The following MIER3 variants were observed in gnomAD, a reference collection of about 807,000 sequenced individuals.
MIER3 encodes the protein mesoderm induction early response protein 3.
In MIER3, 9 loss-of-function variants were observed where a neutral mutation model predicts 63.2. That is an observed-to-expected ratio of 0.14 (90% confidence interval 0.09 to 0.25). MIER3 has a LOEUF of 0.25. Ranked by LOEUF, MIER3 falls within the 10% of genes least tolerant of loss-of-function variation. The probability of loss-of-function intolerance (pLI) is 1.00; values close to 1 mark genes in which losing one functional copy is unlikely to be tolerated. For synonymous variants in MIER3, 205 were observed against 224.9 expected (o/e 0.91, Z 0.79); for missense variants, 512 against 666.2 (o/e 0.77, Z 2.55).
In MIER3 at chr5:56,924,695, C is replaced by T. The variant is rs542898419; in HGVS notation, c.925-653G>A. 2.8e-4 allele frequency among the ~76,000 whole-genome samples: 43 copies of T among 152,288 alleles called. No individual in the cohort carries two copies. In the Middle Eastern group the frequency reaches 0.014, roughly 48 times the overall value. Reference sequence around the variant, plus strand: ...AACAACAATAAAATTTGAGCCTCACCACCTTGGCTCCACACCCAAACCAGG... The same window carrying T: ...AACAACAATAAAATTTGAGCCTCACTACCTTGGCTCCACACCCAAACCAGG... On this transcript the variant is annotated intron_variant, in intron 10 of 12. Coordinates refer to ENST00000381199, the MANE Select transcript of MIER3 (RefSeq NM_001297599.2).
chr5:56,941,133 T>A (rs1750630372), intron 3 of MIER3: 1 of 985,448 alleles, frequency 1.0e-6, no homozygotes, highest in African/African-American at 1.7e-5. Flanking sequence ...AATTCAGTCT[T>A]AGTGGGAGGA....
At position 56,947,113 on chromosome 5, in the gene MIER3, C is replaced by T. The variant is rs771828145; in HGVS notation, c.35-42G>A. 1.9e-6 allele frequency: 3 copies of T among 1,557,244 alleles called. No individual in the cohort carries two copies. The African/African-American group carries it at 4.2e-5, about 22-fold the overall frequency. On this transcript the variant is annotated intron_variant, in intron 2 of 12. Transcript: ENST00000381199. Reference sequence around the variant, plus strand: ...TGAATCACTTTACACATTTACAAGGCTATTAACAAAAGAAAATAAAAATTT... The same window carrying T: ...TGAATCACTTTACACATTTACAAGGTTATTAACAAAAGAAAATAAAAATTT...
At chr5:56,929,239 G>A (rs1024017659) in intron 9 of MIER3, 1 of 156,788 alleles carries the variant, frequency 6.4e-6, no homozygotes, top group Admixed American at 6.5e-5. Flanking sequence ...CTCCTTTATT[G>A]GGGGAAAGAA....
At chr5:56,924,105 C>G (rs1208750028) in intron 10 of MIER3, 63 bp from the exon 11 acceptor site, 24 of 1,539,966 alleles carry the variant, frequency 1.6e-5, no homozygotes, top group Non-Finnish European at 1.9e-5. Flanking sequence ...AGCAACTTTT[C>G]TTTTCCACAA....
intron 4 of MIER3, 36 bp from the exon 5 acceptor site, chr5:56,937,734 T>C (rs749474990): frequency 2.6e-6 from 4 of 1,531,432 alleles, no homozygotes; most frequent in Non-Finnish European, 2.6e-6. Context: ...CAGTTAGAAA[T>C]GATTACATCT....
At position 56,938,666 on chromosome 5, in the gene MIER3, G is replaced by C. The variant is rs1161963828; in HGVS notation, c.315+217C>G. The C allele has an allele frequency of 5.5e-6, 3 of 546,170 alleles. No individual in the cohort carries two copies. In the African/African-American group the frequency reaches 5.7e-5, roughly 10 times the overall value. 33.8% of individuals were successfully genotyped at this position (546,170 alleles called of 1,614,324 possible). A position where few individuals can be genotyped will look rare whatever the true frequency, so the allele number is the denominator to read the frequency against. ...CAGGAAAGATGAAAACATTATGGGA[G>C]AATATTCAGGCATGCAAAGTACCAT... On this transcript the variant is annotated intron_variant, in intron 4 of 12. Coordinates refer to ENST00000381199, the MANE Select transcript of MIER3 (RefSeq NM_001297599.2).
chr5:56,928,618 T>G (rs1399609793), intron 10 of MIER3, 149 bp downstream of exon 10: 2 of 531,016 alleles, frequency 3.8e-6, no homozygotes, highest in African/African-American at 3.9e-5. Context: ...GTGGCATCTC[T>G]GAGCAAATTA....
intron 2 of MIER3, among the ~76,000 whole-genome samples, chr5:56,948,382 A>T (rs983175862): frequency 3.3e-5 from 5 of 152,180 alleles, no homozygotes; most frequent in Non-Finnish European, 2.9e-5. Context: ...AAAGAAATAT[A>T]GGCCGGGGTG....
intron 10 of MIER3, among the ~76,000 whole-genome samples, chr5:56,926,885 T>TA (rs1335032544): frequency 5.3e-5 from 5 of 93,968 alleles, no homozygotes; most frequent in South Asian, 2.8e-4. Context: ...TATTCAGTGA[T>TA]AAAAAAAAGA....
chr5:56,948,704 A>G (rs59455046), intron 2 of MIER3, among the ~76,000 whole-genome samples: 15 of 152,300 alleles, frequency 9.8e-5, no homozygotes, highest in African/African-American at 3.6e-4. Context: ...AAATAAGAAT[A>G]TTTATTAATT....
chr5:56,925,334 T>TA, intron 10 of MIER3: 1 of 454,888 alleles, frequency 2.2e-6, no homozygotes, highest in South Asian at 1.6e-5. Flanking sequence ...TGTTTACAGG[T>TA]GACATGACTG....
Position 56,932,938 on chromosome 5 carries a change from G to A in MIER3, c.747+309C>T, listed in dbSNP as rs542672129. On this transcript the variant is annotated intron_variant, in intron 8 of 12. Coordinates refer to ENST00000381199, the MANE Select transcript of MIER3 (RefSeq NM_001297599.2). Reference sequence around the variant, plus strand: ...ATAGGATAGACTATACAGACATCAAGAATGAGGTATTAAATAATTCTCAAT... The same window carrying A: ...ATAGGATAGACTATACAGACATCAAAAATGAGGTATTAAATAATTCTCAAT... 5.2e-3 allele frequency among the ~76,000 whole-genome samples: 786 copies of A among 152,096 alleles called. 4 individuals carry two copies. The highest frequency in any genetic ancestry group is 7.0e-3 in the Non-Finnish European group (476 of 67,972).
rs1394670288 is a variant in MIER3 at position 56,919,737 on chromosome 5, T to A, written c.*3391A>T. 6.6e-6 allele frequency: 1 copy of A among 152,654 alleles called. No homozygotes were observed. The highest frequency in any genetic ancestry group is 6.5e-5 in the Admixed American group (1 of 15,284). 9.5% of individuals were successfully genotyped at this position (152,654 alleles called of 1,614,324 possible). ...TGCAATAGCAACTTCCTCTTGAACA[T>A]CTGATACTGAAACTTGTTCTGATTG... is the stretch of plus-strand genomic sequence containing the variant. On this transcript the variant is annotated 3_prime_UTR_variant, in exon 13 of 13. Transcript: ENST00000381199.
At chr5:56,929,015 T>A (rs948378669) in intron 9 of MIER3, 154 bp from the exon 10 acceptor site, 168 of 274,696 alleles carry the variant, frequency 6.1e-4, no homozygotes, top group South Asian at 3.4e-3. Context: ...ACTCTCTCTC[T>A]CTCTCTCTCT....
At chr5:56,950,703 A>G (rs775229055) in intron 1 of MIER3, 51 bp from the exon 2 acceptor site, 1 of 1,606,872 alleles carries the variant, frequency 6.2e-7, no homozygotes. Flanking sequence ...CCAGGGAAAG[A>G]GGCAGCGCCG....
intron 10 of MIER3, 61 bp downstream of exon 10, chr5:56,928,706 A>T: frequency 8.4e-7 from 1 of 1,193,620 alleles, no homozygotes; most frequent in Non-Finnish European, 1.2e-6. Context: ...AGTGACTTAT[A>T]AATTAGTTGC....
chr5:56,939,700 T>C (rs1173725622), intron 3 of MIER3, among the ~76,000 whole-genome samples: 2 of 152,220 alleles, frequency 1.3e-5, no homozygotes, highest in Non-Finnish European at 2.9e-5. Context: ...GCTACAGTGC[T>C]GCCTATGTTA....
chr5:56,923,219 A>G lies in MIER3; in HGVS notation c.1562T>C (p.Val521Ala). The change falls in exon 13 of 13, where the codon GTG becomes GCG. Residue 521 changes from valine to alanine, a missense_variant. This residue lies in a region of MIER3 where 218 missense variants were observed against 251.2 expected (regional missense o/e 0.87). Transcript: ENST00000381199. ...GGCAGAGAGACTGCCAAAGTCAGCC[A>G]CAGAAACAGCCATTTTGGCACTGGT... is the stretch of plus-strand genomic sequence containing the variant. ...HITSAKMAVS[V>A]ADFGSLSANE... The G allele has an allele frequency of 6.2e-7, 1 of 1,614,114 alleles. No homozygotes were observed. Among genetic ancestry groups the G allele is most frequent in the Non-Finnish European group, 8.5e-7 (1 of 1,180,012 alleles).
chr5:56,951,942 G>T (rs1751051799), intron 1 of MIER3, 152 bp downstream of exon 1: 3 of 564,740 alleles, frequency 5.3e-6, no homozygotes, highest in African/African-American at 2.0e-5. Flanking sequence ...CCCCGCCACG[G>T]CCAGTCGCCG....
Sources: allele counts gnomAD v4.1 joint callset (sites outside exome capture counted in the v4.1 genomes callset), GRCh38; gene constraint gnomAD v4.1.1; regional missense constraint gnomAD v4.1.1; transcripts MANE v1.5; gene names NCBI Gene and HGNC (gene_info 2026-07-23, HGNC 2026-07-21).